Variants in VPS13C observed in about 807,000 individuals in gnomAD.
VPS13C encodes intermembrane lipid transfer protein VPS13C.
Under a neutral mutation model 456.8 loss-of-function variants are expected in VPS13C, and 358 were observed. The observed-to-expected ratio is 0.78, with a 90% CI of 0.72 to 0.86. VPS13C has a LOEUF of 0.86. Ranked by LOEUF, VPS13C falls within the 40% of genes least tolerant of loss-of-function variation. VPS13C has a pLI of 0.00. For missense variants in VPS13C, 4,818 were observed against 4,385.4 expected, an observed-to-expected ratio of 1.10 and a Z score of -2.79; for synonymous variants, 1,578 against 1,486.7, an observed-to-expected ratio of 1.06 and a Z score of -1.41.
At chr15:61,868,602 G>T (rs1894763317) in intron 81 of VPS13C, 57 bp downstream of exon 81, 2 of 1,459,200 alleles carry the variant, frequency 1.4e-6, no homozygotes, top group Admixed American at 3.5e-5. Context: ...AGGAAATCCT[G>T]GGCCTAGAAA....
chr15:62,020,471 A>C lies in VPS13C; in HGVS notation c.684+8T>G. 6.2e-7 allele frequency: 1 copy of C among 1,607,712 alleles called. No homozygotes were observed. Among genetic ancestry groups the C allele is most frequent in the South Asian group, 1.1e-5 (1 of 90,226 alleles). ...TTCCATAGAAGTTTAAAATAAAGCA[A>C]ACATTACCAGTAGACTAAGCTCTCC... On this transcript the variant is annotated splice_region_variant and intron_variant, in intron 9 of 84. Coordinates refer to ENST00000644861, the MANE Select transcript of VPS13C (RefSeq NM_020821.3).
intron 1 of VPS13C, among the ~76,000 whole-genome samples, chr15:62,046,878 G>A (rs1403917736): frequency 6.6e-6 from 1 of 152,072 alleles, no homozygotes; most frequent in African/African-American, 2.4e-5. Flanking sequence ...TAGACAGACT[G>A]TCAGACAAAA....
At position 61,881,792 on chromosome 15, in the gene VPS13C, C is replaced by G; in HGVS notation, c.9661G>C (p.Val3221Leu). 1.2e-6 allele frequency: 2 copies of G among 1,604,432 alleles called. No individual in the cohort carries two copies. The highest frequency in any genetic ancestry group is 1.7e-6 in the Non-Finnish European group (2 of 1,177,676). Residue 3221 changes from valine (V) to leucine (L), a missense_variant, in exon 70 of 85, where the codon GTA (valine) becomes CTA (leucine). Val to Leu is a conservative substitution (Grantham distance 32). This residue lies in a region of VPS13C where 4,552 missense variants were observed against 4,130.6 expected (regional missense o/e 1.10). Transcript: ENST00000644861. ...TTTGGAGGGGCAACAGGATGAAATACAACAGGGAACATTGCACCTGGTAAC... is the reference window on the plus strand; with the variant it reads ...TTTGGAGGGGCAACAGGATGAAATAGAACAGGGAACATTGCACCTGGTAAC... ...NQLPGAMFPV[V>L]FHPVAPPKSI...
chr15:62,051,838 C>A (rs771375850), intron 1 of VPS13C, among the ~76,000 whole-genome samples: 2 of 152,188 alleles, frequency 1.3e-5, no homozygotes, highest in Non-Finnish European at 2.9e-5. Context: ...GATGGTATTA[C>A]AAAATGGTCA....
rs758735414 is a variant in VPS13C at position 61,878,678 on chromosome 15, T to G, written c.10071A>C (p.Ala3357=). 2.4e-5 allele frequency: 38 copies of G among 1,611,728 alleles called. No individual in the cohort carries two copies. Among genetic ancestry groups the G allele is most frequent in the South Asian group, 4.4e-5 (4 of 90,978 alleles). The change falls in exon 74 of 85, where the codon GCA becomes GCC. Residue 3357 remains alanine (A), a synonymous_variant. Transcript: ENST00000644861. The part of the protein sequence containing the change: ...ESDKEKQEMF[A]VHSVNLLLKS... ...TCAACAGCAAGTTGACAGAATGAACTGCAAACATTTCCTGTTTTTCTTTGT... is the reference window on the plus strand; with the variant it reads ...TCAACAGCAAGTTGACAGAATGAACGGCAAACATTTCCTGTTTTTCTTTGT...
chr15:61,975,099 T>C (rs1426396093), intron 24 of VPS13C, among the ~76,000 whole-genome samples: 1 of 152,116 alleles, frequency 6.6e-6, no homozygotes, highest in African/African-American at 2.4e-5. Context: ...GATGCCTAAT[T>C]GCTGGATGCC....
intron 62 of VPS13C, 81 bp from the exon 63 acceptor site, chr15:61,912,085 C>A (rs2043318627): frequency 8.6e-7 from 1 of 1,169,166 alleles, no homozygotes; most frequent in South Asian, 3.2e-5. Flanking sequence ...CACACACAAA[C>A]TTCTTACAAT....
chr15:61,938,657 A>G (rs182346996), intron 47 of VPS13C, among the ~76,000 whole-genome samples: 4 of 152,278 alleles, frequency 2.6e-5, no homozygotes, highest in African/African-American at 9.6e-5. Context: ...CTTCTAAAAT[A>G]CCTTAAAAAG....
At chr15:61,982,242 C>A (rs952231232) in intron 21 of VPS13C, among the ~76,000 whole-genome samples, 6 of 152,286 alleles carry the variant, frequency 3.9e-5, no homozygotes, top group African/African-American at 1.4e-4. Flanking sequence ...ACTGTAATGG[C>A]AGGAAGAATC....
At chr15:61,909,194 T>A in intron 64 of VPS13C, 69 bp from the exon 65 acceptor site, 2 of 1,573,846 alleles carry the variant, frequency 1.3e-6, no homozygotes, top group Non-Finnish European at 1.7e-6. Context: ...GGAATTTCAA[T>A]ATTACGTAAA....
intron 62 of VPS13C, among the ~76,000 whole-genome samples, chr15:61,912,911 C>T (rs990661189): frequency 6.7e-6 from 1 of 149,804 alleles, no homozygotes; most frequent in Non-Finnish European, 1.5e-5. Flanking sequence ...TTTGTCCTTG[C>T]GATAGTACAC....
At chr15:62,037,728 A>G (rs2048113200) in intron 3 of VPS13C, among the ~76,000 whole-genome samples, 1 of 151,800 alleles carries the variant, frequency 6.6e-6, no homozygotes, top group Non-Finnish European at 1.5e-5. Flanking sequence ...ATGAATGGCT[A>G]CAACTTCTAT....
chr15:62,050,855 T>C (rs1434542295), intron 1 of VPS13C, among the ~76,000 whole-genome samples: 1 of 134,952 alleles, frequency 7.4e-6, no homozygotes, highest in African/African-American at 2.7e-5. Context: ...TGGATCAAAA[T>C]TTAGTATTCT....
chr15:61,933,919 T>C (rs550434238), intron 49 of VPS13C, among the ~76,000 whole-genome samples: 31 of 152,140 alleles, frequency 2.0e-4, no homozygotes, highest in Non-Finnish European at 4.6e-4. Flanking sequence ...AAACTGTATA[T>C]ATAATTAATC....
intron 79 of VPS13C, 30 bp from the exon 80 acceptor site, chr15:61,869,653 A>G: frequency 1.2e-6 from 2 of 1,612,730 alleles, no homozygotes; most frequent in Non-Finnish European, 8.5e-7. Flanking sequence ...ATGAATGGAT[A>G]AAGATATTTT....
chr15:62,007,425 C>T lies in VPS13C; in HGVS notation c.1173G>A (p.Gln391=), dbSNP rs1474688751. Residue 391 remains glutamine (Q), a synonymous_variant, in exon 15 of 85, where the codon CAG becomes CAA. Coordinates refer to ENST00000644861, the MANE Select transcript of VPS13C (RefSeq NM_020821.3). ...TTTTTATGTTACTCCATGACCACAT[C>T]TGTGTATACCTTCTTATATGAACTT... The part of the protein sequence containing the change: ...VLEVHIRRYT[Q]MWSWSNIKKH... 1.2e-6 allele frequency: 2 copies of T among 1,609,674 alleles called. No homozygotes were observed. The highest frequency in any genetic ancestry group is 2.2e-5 in the East Asian group (1 of 44,686).
chr15:62,009,347 G>A (rs1170955360), intron 13 of VPS13C, among the ~76,000 whole-genome samples: 1 of 150,952 alleles, frequency 6.6e-6, no homozygotes, highest in African/African-American at 2.4e-5. Flanking sequence ...GAGGTAACAT[G>A]AAAGCAGAGA....
rs767007361 is a variant in VPS13C, at chr15:62,008,659, G to T, written c.1114C>A (p.Arg372=). 2.5e-6 allele frequency: 4 copies of T among 1,594,504 alleles called. No homozygotes were observed. The highest frequency in any genetic ancestry group is 1.7e-5 in the Admixed American group (1 of 57,848). Residue 372 remains arginine, a synonymous_variant, in exon 14 of 85, where the codon CGA becomes AGA. Transcript: ENST00000644861. Reference sequence around the variant, plus strand: ...AAAAAACAAATTCTAACTTACCATCGTCGACCATTGGTATGAAGTGGTAAA... The same window carrying T: ...AAAAAACAAATTCTAACTTACCATCTTCGACCATTGGTATGAAGTGGTAAA... ...PYLPLHTNGR[R]WWKYAIDSVL...
intron 11 of VPS13C, 61 bp from the exon 12 acceptor site, chr15:62,012,225 C>G (rs1596474672): frequency 1.7e-5 from 3 of 173,218 alleles, no homozygotes; most frequent in Non-Finnish European, 2.2e-5. Flanking sequence ...GACTCAGACA[C>G]ACACACACAC....
Sources: gnomAD v4.1 joint callset for allele counts (sites outside exome capture counted in the v4.1 genomes callset) on GRCh38, gnomAD v4.1.1 for gene constraint, gnomAD v4.1.1 regional missense constraint, MANE v1.5 for transcripts, NCBI Gene and HGNC (gene_info 2026-07-23, HGNC 2026-07-21) for gene names.